SCML4: variants seen among roughly 807,000 people sequenced by gnomAD.
The protein encoded by SCML4 is Scm polycomb group protein like 4.
SCML4 carries 34 observed loss-of-function variants against 41.1 expected under a neutral mutation model. The observed-to-expected ratio is 0.83, with a 90% confidence interval of 0.63 to 1.10. SCML4 has a LOEUF of 1.10. Ranked by LOEUF, SCML4 falls within the 50% of genes least tolerant of loss-of-function variation. SCML4 has a pLI of 0.00. For missense variants in SCML4, 522 were observed against 534.1 expected, an observed-to-expected ratio of 0.98 and a Z score of 0.22; for synonymous variants, 214 against 220.9, an observed-to-expected ratio of 0.97 and a Z score of 0.28.
chr6:107,796,939 T>C (rs755377380), intron 1 of SCML4, among the ~76,000 whole-genome samples: 4 of 152,166 alleles, frequency 2.6e-5, no homozygotes, highest in Non-Finnish European at 4.4e-5. Flanking sequence ...GACATTTCTG[T>C]CCTCATTGAA....
At chr6:107,816,334 C>A (rs1218001162) in intron 1 of SCML4, among the ~76,000 whole-genome samples, 8 of 152,188 alleles carry the variant, frequency 5.3e-5, no homozygotes, top group Non-Finnish European at 1.0e-4. Context: ...GTTTACAAAG[C>A]CCTTTTCCAC....
At chr6:107,823,635 A>G (rs986349671) in intron 1 of SCML4, among the ~76,000 whole-genome samples, 4 of 151,914 alleles carry the variant, frequency 2.6e-5, no homozygotes, top group African/African-American at 4.8e-5. Flanking sequence ...ATTAAATGGG[A>G]AAAAAAACAC....
chr6:107,757,917 C>T (rs12663083), intron 2 of SCML4, among the ~76,000 whole-genome samples: 22,188 of 152,100 alleles, frequency 0.15, 1,937 homozygotes, highest in Middle Eastern at 0.2. Context: ...CTCTGCAAAT[C>T]GACCCTTTTT....
intron 5 of SCML4, among the ~76,000 whole-genome samples, chr6:107,724,039 A>C (rs1233515366): frequency 5.3e-5 from 8 of 152,344 alleles, no homozygotes; most frequent in South Asian, 4.1e-4. Context: ...CACCATATGG[A>C]TAGAATAATA....
chr6:107,749,699 G>C lies in SCML4; in HGVS notation c.271C>G (p.Pro91Ala). ...GCTGACCTACCTGTGAGAGCCTGTG[G>C]GGCCGCCAAGCTGGGGACCGTGGCT... is the stretch of plus-strand genomic sequence containing the variant. The part of the protein sequence containing the change: ...DAATVPSLAA[P>A]QALTVCLYIN... Residue 91 changes from proline (P) to alanine (A), a missense_variant, in exon 3 of 8, where the codon CCA becomes GCA. Coordinates refer to ENST00000369020, the MANE Select transcript of SCML4 (RefSeq NM_198081.5). The C allele has an allele frequency of 6.2e-7, 1 of 1,613,938 alleles. No individual in the cohort carries two copies. The highest frequency in any genetic ancestry group is 1.1e-5 in the South Asian group (1 of 91,060).
At chr6:107,810,001 A>G (rs925975208) in intron 1 of SCML4, among the ~76,000 whole-genome samples, 5 of 152,112 alleles carry the variant, frequency 3.3e-5, no homozygotes, top group African/African-American at 1.2e-4. Flanking sequence ...TCTCTGTGCC[A>G]GGCACTGTGC....
chr6:107,716,703 A>G (rs1346872284), intron 6 of SCML4, among the ~76,000 whole-genome samples: 1 of 152,118 alleles, frequency 6.6e-6, no homozygotes, highest in Non-Finnish European at 1.5e-5. Flanking sequence ...CCCATTGCCT[A>G]CTCAGCGTTA....
At chr6:107,740,668 A>G (rs1335990830) in intron 5 of SCML4, among the ~76,000 whole-genome samples, 1 of 152,168 alleles carries the variant, frequency 6.6e-6, no homozygotes, top group Non-Finnish European at 1.5e-5. Flanking sequence ...GAATCTAGAG[A>G]TTTACCCCCA....
intron 1 of SCML4, among the ~76,000 whole-genome samples, chr6:107,789,339 C>T (rs577437771): frequency 3.3e-5 from 5 of 152,242 alleles, no homozygotes; most frequent in East Asian, 1.9e-4. Flanking sequence ...TGTGGGTAGA[C>T]GGGAGGGAAG....
chr6:107,741,622 T>TCC (rs1209730598), intron 5 of SCML4, among the ~76,000 whole-genome samples: 1 of 152,146 alleles, frequency 6.6e-6, no homozygotes, highest in Non-Finnish European at 1.5e-5. Flanking sequence ...GTCCCACAGA[T>TCC]CCCCTGGGCA....
At chr6:107,826,460 C>T (rs17589215), upstream of SCML4, among the ~76,000 whole-genome samples, 28,050 of 152,098 alleles carry the variant, frequency 0.18, 3,018 homozygotes, top group South Asian at 0.26. Flanking sequence ...TGGGCTGAGA[C>T]ATTAGACCAA....
At chr6:107,755,666 T>TAAA (rs11433930) in intron 2 of SCML4, 388 of 1,060,720 alleles carry the variant, frequency 3.7e-4, no homozygotes, top group South Asian at 6.3e-4. Context: ...CTTAGGTTTC[T>TAAA]AAAAAAAAAA....
At chr6:107,814,073 G>A (rs932420909) in intron 1 of SCML4, among the ~76,000 whole-genome samples, 2 of 152,228 alleles carry the variant, frequency 1.3e-5, no homozygotes, top group South Asian at 2.1e-4. Context: ...ATCCATCCTG[G>A]AAGGTCACTT....
chr6:107,843,380 C>A, the SCML4 span, among the ~76,000 whole-genome samples: 1 of 152,090 alleles, frequency 6.6e-6, no homozygotes, highest in Non-Finnish European at 1.5e-5. Flanking sequence ...TTCCACTGCC[C>A]CTTTAAAGGT....
At chr6:107,840,359 CACAG>C in the SCML4 span, among the ~76,000 whole-genome samples, 4 of 152,226 alleles carry the variant, frequency 2.6e-5, no homozygotes, top group Admixed American at 1.3e-4. Flanking sequence ...ACACACCTAT[CACAG>C]ACAGGGATTC....
At chr6:107,740,159 G>A in intron 5 of SCML4, 1 of 470,868 alleles carries the variant, frequency 2.1e-6, no homozygotes, top group South Asian at 1.5e-5. Context: ...TCATCCTCCT[G>A]GAATAAGATG....
At chr6:107,800,281 A>G (rs1783019435) in intron 1 of SCML4, among the ~76,000 whole-genome samples, 1 of 152,100 alleles carries the variant, frequency 6.6e-6, no homozygotes, top group African/African-American at 2.4e-5. Flanking sequence ...TAACATACTA[A>G]TTTTTTTGCT....
At position 107,809,697 on chromosome 6, in the gene SCML4, G is replaced by C. The variant is rs1206052764; in HGVS notation, c.-60+14429C>G. Among the ~76,000 whole-genome samples, 6 of 152,176 alleles carry C rather than the reference G, an allele frequency of 3.9e-5. 1 individual carries two copies. Among genetic ancestry groups the C allele is most frequent in the Non-Finnish European group, 8.8e-5 (6 of 68,022 alleles). ...GGGAAGATATGGGGAAGGGAGCAATGATGAGTCCAGTTTTGGAAACGTTGA... is the reference window on the plus strand; with the variant it reads ...GGGAAGATATGGGGAAGGGAGCAATCATGAGTCCAGTTTTGGAAACGTTGA... On this transcript the variant is annotated intron_variant, in intron 1 of 7. Transcript: ENST00000369020.
At chr6:107,748,450 T>A (rs751470832) in intron 3 of SCML4, among the ~76,000 whole-genome samples, 2 of 152,048 alleles carry the variant, frequency 1.3e-5, no homozygotes, top group African/African-American at 2.4e-5. Flanking sequence ...AGCATGTGGG[T>A]TTGGTGGTAT....
Sources: allele counts gnomAD v4.1 joint callset (sites outside exome capture counted in the v4.1 genomes callset), GRCh38; gene constraint gnomAD v4.1.1; transcripts MANE v1.5; gene names NCBI Gene and HGNC (gene_info 2026-07-23, HGNC 2026-07-21).